PTPRK: variants seen among roughly 807,000 people sequenced by gnomAD.
PTPRK encodes the protein receptor-type tyrosine-protein phosphatase kappa.
A neutral mutation model predicts 178.0 loss-of-function variants in PTPRK; 75 were observed. The ratio of observed to expected loss-of-function variants is 0.42; its 90% CI spans 0.35 to 0.51. The LOEUF (loss-of-function observed/expected upper bound fraction) is 0.51, where lower values mean the gene tolerates loss of function less well. Among genes scored for constraint, PTPRK ranks in the 20% least tolerant of loss-of-function variants. The pLI is 0.02. For synonymous variants in PTPRK, 637 were observed against 620.6 expected (o/e 1.03, Z -0.39); for missense variants, 1,441 against 1,797.8 (o/e 0.80, Z 3.59).
chr6:128,093,068 G>T (rs1228353350), intron 7 of PTPRK, among the ~76,000 whole-genome samples: 2 of 152,066 alleles, frequency 1.3e-5, no homozygotes, highest in Non-Finnish European at 2.9e-5. Context: ...CCATAATGGT[G>T]GTGAAACAAT....
At chr6:128,235,780 G>C (rs767303027) in intron 5 of PTPRK, among the ~76,000 whole-genome samples, 14 of 151,952 alleles carry the variant, frequency 9.2e-5, no homozygotes, top group Non-Finnish European at 1.8e-4. Context: ...GCCCCAAGCA[G>C]ATGAACCTCC....
At chr6:128,240,621 C>CT (rs201563572) in intron 4 of PTPRK, among the ~76,000 whole-genome samples, 1 of 152,050 alleles carries the variant, frequency 6.6e-6, no homozygotes, top group African/African-American at 2.4e-5. Flanking sequence ...GCAGTTAGAT[C>CT]TTTTTTTAAA....
intron 1 of PTPRK, among the ~76,000 whole-genome samples, chr6:128,507,343 T>C (rs1259267296): frequency 6.6e-6 from 1 of 152,138 alleles, no homozygotes; most frequent in Non-Finnish European, 1.5e-5. Context: ...CCAAAATTGC[T>C]TTTCTCTCCT....
intron 2 of PTPRK, among the ~76,000 whole-genome samples, chr6:128,328,949 T>C (rs912646523): frequency 6.6e-6 from 1 of 152,144 alleles, no homozygotes; most frequent in African/African-American, 2.4e-5. Flanking sequence ...CAATCTGTTG[T>C]AGTATCATAC....
At chr6:127,983,772 T>C (rs951376064) in intron 22 of PTPRK, among the ~76,000 whole-genome samples, 6 of 152,206 alleles carry the variant, frequency 3.9e-5, no homozygotes, top group Admixed American at 1.3e-4. Flanking sequence ...TTGTGTGTCC[T>C]CTGGCAACAA....
intron 3 of PTPRK, among the ~76,000 whole-genome samples, chr6:128,299,847 G>A (rs1428110474): frequency 6.6e-6 from 1 of 152,076 alleles, no homozygotes; most frequent in African/African-American, 2.4e-5. Flanking sequence ...AAAAGCAATG[G>A]CAACAAAACC....
chr6:128,271,244 A>G (rs1394737966), intron 3 of PTPRK, among the ~76,000 whole-genome samples: 2 of 152,164 alleles, frequency 1.3e-5, no homozygotes, highest in Non-Finnish European at 2.9e-5. Flanking sequence ...AAGCCACAGC[A>G]GTTGCCAAGT....
chr6:128,244,743 A>G (rs1276832604), intron 3 of PTPRK, among the ~76,000 whole-genome samples: 2 of 152,188 alleles, frequency 1.3e-5, no homozygotes, highest in Non-Finnish European at 1.5e-5. Context: ...GAAAACCTCT[A>G]GTAGGAGGAG....
chr6:128,211,585 G>C (rs1160260348), intron 6 of PTPRK, among the ~76,000 whole-genome samples: 4 of 151,972 alleles, frequency 2.6e-5, no homozygotes, highest in Non-Finnish European at 5.9e-5. Context: ...AACATTTTAT[G>C]CATTTTTTTG....
At chr6:128,506,760 T>C (rs1225413853) in intron 1 of PTPRK, among the ~76,000 whole-genome samples, 5 of 152,040 alleles carry the variant, frequency 3.3e-5, no homozygotes, top group African/African-American at 1.2e-4. Flanking sequence ...TGGATTATAT[T>C]CTATAAAGTG....
chr6:128,321,653 G>A (rs903157609), intron 3 of PTPRK: 10 of 612,360 alleles, frequency 1.6e-5, no homozygotes, highest in African/African-American at 1.5e-4. Context: ...CCAGTCTGAA[G>A]ATTACAATAA....
At chr6:128,134,993 T>C (rs1279300712) in intron 7 of PTPRK, among the ~76,000 whole-genome samples, 2 of 151,910 alleles carry the variant, frequency 1.3e-5, no homozygotes, top group African/African-American at 2.4e-5. Context: ...ACATCCACTA[T>C]TGCAAGAATT....
intron 1 of PTPRK, among the ~76,000 whole-genome samples, chr6:128,463,063 A>T (rs1191809366): frequency 6.6e-6 from 1 of 152,130 alleles, no homozygotes; most frequent in Non-Finnish European, 1.5e-5. Flanking sequence ...AAAATTAATT[A>T]ATTGGGTTAT....
intron 6 of PTPRK, among the ~76,000 whole-genome samples, chr6:128,196,110 G>A (rs1464101118): frequency 3.9e-5 from 6 of 152,082 alleles, no homozygotes; most frequent in African/African-American, 9.7e-5. Flanking sequence ...CTTCTAATAA[G>A]TCTTTCAACT....
intron 13 of PTPRK, among the ~76,000 whole-genome samples, chr6:128,051,721 T>C (rs1779033486): frequency 6.6e-6 from 1 of 152,194 alleles, no homozygotes; most frequent in Admixed American, 6.5e-5. Context: ...CTTTCTATAT[T>C]ATCTTGTTCA....
rs200700309 is a variant in PTPRK, at chr6:128,375,406, T to TA, written c.223+22159dup. On this transcript the variant is annotated intron_variant, in intron 2 of 29. Transcript: ENST00000368226. ...AGCTTGTGCAGGGAAACAACCTTTT[T>TA]AAAAAAAAAAACATCAGATCTCATG... Among the ~76,000 whole-genome samples, 475 of 144,992 alleles carry TA rather than the reference T, an allele frequency of 3.3e-3. 2 individuals carry two copies. Among genetic ancestry groups the TA allele is most frequent in the African/African-American group, 8.7e-3 (347 of 39,692 alleles).
At chr6:128,495,717 T>G (rs1854555549) in intron 1 of PTPRK, among the ~76,000 whole-genome samples, 1 of 152,146 alleles carries the variant, frequency 6.6e-6, no homozygotes, top group Non-Finnish European at 1.5e-5. Context: ...CTTATGAAAA[T>G]TTGATCATGT....
chr6:128,149,550 C>T (rs1165571084), intron 7 of PTPRK, among the ~76,000 whole-genome samples: 2 of 152,020 alleles, frequency 1.3e-5, no homozygotes, highest in Non-Finnish European at 2.9e-5. Flanking sequence ...CTAGTAGTCA[C>T]TGTGTGACAC....
At chr6:128,019,792 C>T (rs1374395460) in intron 13 of PTPRK, among the ~76,000 whole-genome samples, 1 of 152,066 alleles carries the variant, frequency 6.6e-6, no homozygotes, top group Non-Finnish European at 1.5e-5. Flanking sequence ...TGAGGACTTC[C>T]ATACTGAGAA....
Sources: gnomAD v4.1 joint callset for allele counts (sites outside exome capture counted in the v4.1 genomes callset) on GRCh38, gnomAD v4.1.1 for gene constraint, MANE v1.5 for transcripts, NCBI Gene and HGNC (gene_info 2026-07-23, HGNC 2026-07-21) for gene names.